Variants in CACNB4 observed in about 807,000 individuals in gnomAD.
CACNB4 encodes the protein voltage-dependent L-type calcium channel subunit beta-4.
CACNB4 carries 32 observed loss-of-function variants against 71.2 expected under a neutral mutation model. That is an observed-to-expected ratio of 0.45 (90% CI 0.34 to 0.60). CACNB4 has a LOEUF of 0.60. Among genes scored for constraint, CACNB4 ranks in the 20% least tolerant of loss-of-function variants. CACNB4 has a pLI of 0.01. For missense variants in CACNB4, 464 were observed against 647.9 expected (o/e 0.72, Z 3.08); for synonymous variants, 231 against 236.9 (o/e 0.97, Z 0.23).
intron 6 of CACNB4, 95 bp from the exon 7 acceptor site, chr2:151,870,956 C>T (rs1185640495): frequency 2.3e-6 from 2 of 865,112 alleles, no homozygotes; most frequent in African/African-American, 1.7e-5. Context: ...CCATTTGTCC[C>T]TGTAATTATC....
At chr2:152,048,947 T>G (rs1224370315) in intron 2 of CACNB4, among the ~76,000 whole-genome samples, 1 of 152,122 alleles carries the variant, frequency 6.6e-6, no homozygotes, top group African/African-American at 2.4e-5. Context: ...GACTGTATGG[T>G]GTGCACAAGA....
intron 2 of CACNB4, among the ~76,000 whole-genome samples, chr2:151,983,402 T>C (rs1027604087): frequency 6.6e-6 from 1 of 152,208 alleles, no homozygotes; most frequent in Non-Finnish European, 1.5e-5. Flanking sequence ...GTTGGAGCAC[T>C]AAGTCCAAAG....
chr2:151,996,585 T>C (rs2151771027), intron 2 of CACNB4, among the ~76,000 whole-genome samples: 1 of 152,214 alleles, frequency 6.6e-6, no homozygotes. Flanking sequence ...GGCTTTCAGT[T>C]TTTTCCATTT....
intron 2 of CACNB4, among the ~76,000 whole-genome samples, chr2:152,072,355 C>T (rs753729429): frequency 3.3e-5 from 5 of 152,154 alleles, no homozygotes; most frequent in African/African-American, 7.2e-5. Context: ...AGAGATCCAA[C>T]GTGGCTAGGG....
rs1156485360 is a variant in CACNB4, at chr2:151,834,133, A to G, written c.*4986T>C. On this transcript the variant is annotated 3_prime_UTR_variant, in exon 14 of 14. Transcript: ENST00000539935. ...ATTTGTTGAGAAATTTAAGTGTTCA[A>G]AACATAACCAAGAACACTTATCAGG... is the stretch of plus-strand genomic sequence containing the variant. The G allele has an allele frequency of 6.6e-6, 1 of 152,080 alleles. No individual in the cohort carries two copies. The highest frequency in any genetic ancestry group is 1.5e-5 in the Non-Finnish European group (1 of 67,906). The allele number at this position is 152,080 out of a possible 1,614,324, so 9.4% of individuals were successfully genotyped here. A position where few individuals can be genotyped will look rare whatever the true frequency, so the allele number is the denominator to read the frequency against.
At chr2:152,015,593 T>C (rs1417953650) in intron 2 of CACNB4, among the ~76,000 whole-genome samples, 1 of 152,226 alleles carries the variant, frequency 6.6e-6, no homozygotes, top group East Asian at 1.9e-4. Flanking sequence ...GAAAATGAAT[T>C]GTGAGCAAAA....
intron 2 of CACNB4, chr2:151,973,567 G>T: frequency 9.5e-7 from 1 of 1,051,908 alleles, no homozygotes; most frequent in Non-Finnish European, 1.4e-6. Flanking sequence ...TCTGCTCCAT[G>T]TTCCCTGCGT....
At chr2:152,083,333 CAAGG>C (rs529138391) in intron 2 of CACNB4, among the ~76,000 whole-genome samples, 7 of 131,608 alleles carry the variant, frequency 5.3e-5, no homozygotes, top group African/African-American at 9.5e-5. Context: ...GCAAGGAAAG[CAAGG>C]AAGGAAGGAA....
chr2:151,896,516 G>GTTTGACT (rs1405223700), intron 2 of CACNB4, among the ~76,000 whole-genome samples: 1 of 152,136 alleles, frequency 6.6e-6, no homozygotes, highest in East Asian at 1.9e-4. Context: ...TGCTTTCCTC[G>GTTTGACT]TTTGACTTTT....
At chr2:151,996,186 T>G (rs904866109) in intron 2 of CACNB4, among the ~76,000 whole-genome samples, 3 of 152,244 alleles carry the variant, frequency 2.0e-5, no homozygotes, top group Admixed American at 6.5e-5. Context: ...TTCTCACTAC[T>G]GGCTAGCTTG....
chr2:151,959,733 G>C (rs1051208058), intron 2 of CACNB4, among the ~76,000 whole-genome samples: 1 of 151,880 alleles, frequency 6.6e-6, no homozygotes, highest in African/African-American at 2.4e-5. Context: ...AATGTGGGAG[G>C]AACAATTTTT....
intron 2 of CACNB4, among the ~76,000 whole-genome samples, chr2:151,996,696 C>T (rs574976661): frequency 6.6e-4 from 100 of 152,272 alleles, no homozygotes; most frequent in Non-Finnish European, 1.2e-3. Flanking sequence ...AGTAAACCTG[C>T]CATTCCTTTC....
chr2:151,875,792 A>G (rs570733525), intron 5 of CACNB4, among the ~76,000 whole-genome samples: 887 of 82,468 alleles, frequency 0.011, 66 homozygotes, highest in African/African-American at 0.026. Context: ...CTGGCCGGGC[A>G]GGGGGCTGAC....
chr2:151,840,218 A>C (rs1020293451), intron 13 of CACNB4, among the ~76,000 whole-genome samples: 5 of 152,170 alleles, frequency 3.3e-5, no homozygotes, highest in African/African-American at 1.2e-4. Flanking sequence ...ATCTCATCTA[A>C]AGTACACTCA....
At chr2:151,996,994 T>A (rs1329057660) in intron 2 of CACNB4, among the ~76,000 whole-genome samples, 1 of 152,154 alleles carries the variant, frequency 6.6e-6, no homozygotes, top group East Asian at 1.9e-4. Flanking sequence ...TAAATATACA[T>A]CACAGGGTAT....
At chr2:152,033,959 G>C (rs957985905) in intron 2 of CACNB4, among the ~76,000 whole-genome samples, 1 of 152,076 alleles carries the variant, frequency 6.6e-6, no homozygotes, top group Non-Finnish European at 1.5e-5. Context: ...CAAGAACTTT[G>C]TATTGCTTGG....
intron 2 of CACNB4, among the ~76,000 whole-genome samples, chr2:152,041,524 G>T (rs540491357): frequency 1.3e-5 from 2 of 152,174 alleles, no homozygotes; most frequent in Non-Finnish European, 2.9e-5. Context: ...GGGCTGAAGG[G>T]ATATTATTGC....
intron 2 of CACNB4, among the ~76,000 whole-genome samples, chr2:151,994,955 A>G (rs1282098842): frequency 3.3e-5 from 5 of 152,164 alleles, no homozygotes; most frequent in Non-Finnish European, 7.4e-5. Context: ...TCTTGCAATA[A>G]TTTTTGTTCC....
intron 2 of CACNB4, among the ~76,000 whole-genome samples, chr2:152,007,596 A>G (rs73013233): frequency 0.05 from 7,579 of 152,186 alleles, 624 homozygotes; most frequent in African/African-American, 0.17. Context: ...TGTGTATCCT[A>G]CATTTTCTTT....
Sources: allele counts gnomAD v4.1 joint callset (sites outside exome capture counted in the v4.1 genomes callset), GRCh38; gene constraint gnomAD v4.1.1; transcripts MANE v1.5; gene names NCBI Gene and HGNC (gene_info 2026-07-23, HGNC 2026-07-21).